The following SNX29 variants were observed in gnomAD, a reference collection of about 807,000 sequenced individuals.
The protein encoded by SNX29 is sorting nexin-29.
In SNX29, 78 loss-of-function variants were observed where a neutral mutation model predicts 102.1. The observed-to-expected ratio is 0.76, with a 90% CI of 0.64 to 0.92. The LOEUF is 0.92. Among genes scored for constraint, SNX29 ranks in the 40% least tolerant of loss-of-function variants. SNX29 has a pLI of 0.00. For synonymous variants in SNX29, 580 were observed against 414.5 expected, an observed-to-expected ratio of 1.40 and a Z score of -4.85; for missense variants, 1,280 against 1,061.7, an observed-to-expected ratio of 1.21 and a Z score of -2.86.
intron 11 of SNX29, among the ~76,000 whole-genome samples, chr16:12,121,615 C>G (rs2053977411): frequency 6.6e-6 from 1 of 152,214 alleles, no homozygotes; most frequent in Non-Finnish European, 1.5e-5. Context: ...GGCACTTTCT[C>G]TGTGGCTGAG....
At chr16:12,259,177 C>T (rs970354992) in intron 14 of SNX29, among the ~76,000 whole-genome samples, 8 of 152,106 alleles carry the variant, frequency 5.3e-5, no homozygotes, top group Non-Finnish European at 1.0e-4. Context: ...TTTGAAATAG[C>T]CTCTGGTTTG....
chr16:12,456,677 A>T (rs1020803051), intron 18 of SNX29, among the ~76,000 whole-genome samples: 4 of 151,928 alleles, frequency 2.6e-5, no homozygotes, highest in Non-Finnish European at 4.4e-5. Context: ...AGTACTTGAT[A>T]GTGTGTGCAC....
At chr16:12,077,559 C>G (rs1038053370) in intron 10 of SNX29, among the ~76,000 whole-genome samples, 1 of 152,136 alleles carries the variant, frequency 6.6e-6, no homozygotes, top group Non-Finnish European at 1.5e-5. Context: ...TATAAAGTTG[C>G]TATGAAGACT....
At chr16:12,562,630 G>C (rs976198911) in intron 20 of SNX29, among the ~76,000 whole-genome samples, 16 of 152,190 alleles carry the variant, frequency 1.1e-4, no homozygotes, top group African/African-American at 3.9e-4. Context: ...CAGGCTATCA[G>C]GGTCTTCCCT....
At chr16:12,281,708 G>T (rs996455119) in intron 15 of SNX29, among the ~76,000 whole-genome samples, 7 of 152,130 alleles carry the variant, frequency 4.6e-5, no homozygotes, top group African/African-American at 1.7e-4. Flanking sequence ...GGACACTCTT[G>T]CTGCCTCCAG....
chr16:12,191,788 C>G (rs973724420), intron 13 of SNX29, among the ~76,000 whole-genome samples: 1 of 152,160 alleles, frequency 6.6e-6, no homozygotes, highest in Admixed American at 6.5e-5. Context: ...GCAAACACCA[C>G]AAAGCCAGGC....
chr16:12,058,703 AG>A (rs1199984032), intron 8 of SNX29, among the ~76,000 whole-genome samples: 1 of 150,452 alleles, frequency 6.6e-6, no homozygotes, highest in African/African-American at 2.4e-5. Flanking sequence ...CATGTTGGCC[AG>A]GCTGGTCTTG....
intron 6 of SNX29, among the ~76,000 whole-genome samples, chr16:12,047,237 T>C (rs2151198246): frequency 6.6e-6 from 1 of 152,326 alleles, no homozygotes. Flanking sequence ...GGGTTGATGT[T>C]AGTCGGTGGA....
chr16:12,539,627 G>A (rs746485924), intron 20 of SNX29, among the ~76,000 whole-genome samples: 5 of 152,206 alleles, frequency 3.3e-5, no homozygotes, highest in Admixed American at 1.3e-4. Flanking sequence ...TGGATCCTAT[G>A]CTAAATGTAA....
intron 11 of SNX29, among the ~76,000 whole-genome samples, chr16:12,121,822 T>C (rs536889936): frequency 3.3e-5 from 5 of 152,266 alleles, no homozygotes; most frequent in Non-Finnish European, 7.4e-5. Context: ...TTTTTTGAGA[T>C]GGAGTCTCAC....
At chr16:12,532,079 A>C (rs2076947213) in intron 20 of SNX29, among the ~76,000 whole-genome samples, 1 of 152,238 alleles carries the variant, frequency 6.6e-6, no homozygotes, top group South Asian at 2.1e-4. Flanking sequence ...GAACCAGGAC[A>C]GGAACATGTG....
chr16:12,186,632 C>G (rs1469318839), intron 13 of SNX29, among the ~76,000 whole-genome samples: 1 of 152,156 alleles, frequency 6.6e-6, no homozygotes, highest in Non-Finnish European at 1.5e-5. Flanking sequence ...GGGATCCAGT[C>G]CAGGATCAGG....
chr16:12,072,563 G>A (rs919196065), intron 10 of SNX29, among the ~76,000 whole-genome samples: 12 of 152,026 alleles, frequency 7.9e-5, no homozygotes, highest in Admixed American at 7.9e-4. Context: ...TGCTGGATTC[G>A]GTTTGCCAGT....
chr16:12,519,141 A>G (rs977978376), intron 19 of SNX29, among the ~76,000 whole-genome samples: 36 of 152,270 alleles, frequency 2.4e-4, no homozygotes, highest in African/African-American at 7.5e-4. Flanking sequence ...GAAGCCAGAA[A>G]TCTGGGTTTT....
At chr16:12,498,814 C>T (rs922183450) in intron 19 of SNX29, among the ~76,000 whole-genome samples, 1 of 152,174 alleles carries the variant, frequency 6.6e-6, no homozygotes, top group Non-Finnish European at 1.5e-5. Context: ...TTTTTGGCCA[C>T]TGTTGCCAAC....
intron 13 of SNX29, among the ~76,000 whole-genome samples, chr16:12,193,031 T>C (rs1032970873): frequency 6.6e-6 from 1 of 151,782 alleles, no homozygotes; most frequent in Non-Finnish European, 1.5e-5. Context: ...GATGTGATCT[T>C]GCTGTATTGC....
chr16:12,458,643 G>T (rs2086637549), intron 18 of SNX29, among the ~76,000 whole-genome samples: 1 of 152,226 alleles, frequency 6.6e-6, no homozygotes, highest in Admixed American at 6.5e-5. Context: ...GAAGGATACA[G>T]GAAGGAGCTT....
At chr16:12,385,561 C>G (rs183237432) in intron 16 of SNX29, among the ~76,000 whole-genome samples, 145 of 152,330 alleles carry the variant, frequency 9.5e-4, no homozygotes, top group African/African-American at 3.2e-3. Flanking sequence ...AGCCTCTGCT[C>G]TCTGCCAGGT....
At chr16:12,408,269 C>G (rs948138769) in intron 18 of SNX29, among the ~76,000 whole-genome samples, 2 of 152,230 alleles carry the variant, frequency 1.3e-5, no homozygotes, top group Admixed American at 6.5e-5. Flanking sequence ...GGGCAGCCAC[C>G]TACACCCCTG....
Sources: allele counts gnomAD v4.1 joint callset (sites outside exome capture counted in the v4.1 genomes callset), GRCh38; gene constraint gnomAD v4.1.1; transcripts MANE v1.5; gene names NCBI Gene and HGNC (gene_info 2026-07-23, HGNC 2026-07-21).